Variants in TEX11 observed in about 807,000 individuals in gnomAD.
TEX11 encodes testis-expressed protein 11.
TEX11 carries 7 observed loss-of-function variants against 84.4 expected under a neutral mutation model. The ratio of observed to expected loss-of-function variants is 0.08; its 90% confidence interval spans 0.05 to 0.16. The LOEUF (loss-of-function observed/expected upper bound fraction) is 0.16, where lower values mean the gene tolerates loss of function less well. Ranked by LOEUF, TEX11 falls within the 10% of genes least tolerant of loss-of-function variation. The pLI is 1.00. For synonymous variants in TEX11, 264 were observed against 222.8 expected, an observed-to-expected ratio of 1.18 and a Z score of -1.64; for missense variants, 551 against 660.5, an observed-to-expected ratio of 0.83 and a Z score of 1.82.
chrX:70,588,676 A>G (rs1428076453), intron 25 of TEX11, among the ~76,000 whole-genome samples: 1 of 112,151 alleles, frequency 8.9e-6, no homozygotes, highest in Non-Finnish European at 1.9e-5. Context: ...AATGGAAGGG[A>G]ATTTTGACAC....
chrX:70,789,129 G>C (rs1461457134), intron 9 of TEX11, among the ~76,000 whole-genome samples: 1 of 102,973 alleles, frequency 9.7e-6, no homozygotes, highest in Non-Finnish European at 2.0e-5. Flanking sequence ...GAGCACAGGA[G>C]TACGAGACCA....
intron 28 of TEX11, 79 bp from the exon 29 acceptor site, chrX:70,530,078 C>T (rs2087866170): frequency 1.1e-6 from 1 of 884,295 alleles, no homozygotes; most frequent in South Asian, 2.3e-5. Flanking sequence ...TGCTATGTCC[C>T]TTTATTACTA....
chrX:70,884,266 AG>A (rs1462139071), intron 2 of TEX11, among the ~76,000 whole-genome samples: 2 of 112,279 alleles, frequency 1.8e-5, no homozygotes, highest in East Asian at 5.6e-4. Context: ...GTGATAAAAT[AG>A]AAAGTAGTAA....
chrX:70,655,256 CTT>C (rs1266298539), intron 16 of TEX11, among the ~76,000 whole-genome samples: 10 of 110,508 alleles, frequency 9.0e-5, no homozygotes, highest in Non-Finnish European at 1.9e-4. Flanking sequence ...AATGAACAAA[CTT>C]AATCTAAATT....
chrX:70,806,690 T>G lies in TEX11; in HGVS notation c.692+15A>C. On this transcript the variant is annotated intron_variant, in intron 9 of 29. Transcript: ENST00000374333. ...AATATTCCCGAGTTTACATTCAGTT[T>G]TTTGTTTATGTTACCTAAGCCAGAA... 1.8e-6 allele frequency: 2 copies of G among 1,093,443 alleles called. No homozygotes were observed. The highest frequency in any genetic ancestry group is 2.5e-6 in the Non-Finnish European group (2 of 797,923). The allele number at this position is 1,093,443 out of a possible 1,213,427, so 90.1% of individuals were successfully genotyped here.
At chrX:70,709,338 G>A (rs2090405549) in intron 13 of TEX11, among the ~76,000 whole-genome samples, 1 of 110,820 alleles carries the variant, frequency 9.0e-6, no homozygotes, top group South Asian at 3.8e-4. Flanking sequence ...TAACCTTTTA[G>A]ATCTATCCCA....
At chrX:70,583,654 C>T (rs925981682) in intron 25 of TEX11, among the ~76,000 whole-genome samples, 1 of 111,569 alleles carries the variant, frequency 9.0e-6, no homozygotes, top group African/African-American at 3.3e-5. Context: ...ATTGAAAAGT[C>T]ATCAGAAAAA....
chrX:70,749,034 C>T (rs12559693), intron 9 of TEX11, among the ~76,000 whole-genome samples: 8,031 of 94,385 alleles, frequency 0.085, 912 homozygotes, highest in African/African-American at 0.24. Context: ...TTCACGATAT[C>T]GATTCTTCCT....
the TEX11 span, among the ~76,000 whole-genome samples, chrX:70,523,115 T>C: frequency 9.0e-6 from 1 of 110,976 alleles, no homozygotes; most frequent in Admixed American, 9.7e-5. Context: ...TATAAGCACA[T>C]GTAAAAAAAA....
chrX:70,612,088 T>C (rs1441736631), intron 20 of TEX11, among the ~76,000 whole-genome samples: 1 of 109,906 alleles, frequency 9.1e-6, no homozygotes, highest in Admixed American at 9.8e-5. Context: ...TAGTGAGCCA[T>C]GATCATGCCA....
At chrX:70,592,303 C>T (rs760343275) in intron 24 of TEX11, among the ~76,000 whole-genome samples, 1 of 111,329 alleles carries the variant, frequency 9.0e-6, no homozygotes, top group African/African-American at 3.3e-5. Context: ...ACTCACCATC[C>T]GCCAGCTCAG....
At chrX:70,638,930 C>G (rs1005337952) in intron 17 of TEX11, among the ~76,000 whole-genome samples, 2 of 109,744 alleles carry the variant, frequency 1.8e-5, no homozygotes, top group Non-Finnish European at 3.8e-5. Flanking sequence ...CGAATAGGAA[C>G]AGCTCCAGTC....
At chrX:70,748,696 G>A (rs1297572188) in intron 9 of TEX11, among the ~76,000 whole-genome samples, 1 of 100,568 alleles carries the variant, frequency 9.9e-6, no homozygotes, top group Non-Finnish European at 2.0e-5. Flanking sequence ...CCCATTGCTT[G>A]TTTTTCTCAG....
chrX:70,766,526 A>G (rs754244455), intron 9 of TEX11, among the ~76,000 whole-genome samples: 1 of 111,713 alleles, frequency 9.0e-6, no homozygotes, highest in Non-Finnish European at 1.9e-5. Context: ...TGGAAGAACC[A>G]ATACTGTTAA....
intron 20 of TEX11, among the ~76,000 whole-genome samples, chrX:70,617,219 G>A (rs2089327900): frequency 9.2e-6 from 1 of 109,171 alleles, no homozygotes; most frequent in African/African-American, 3.3e-5. Flanking sequence ...GGAATTTGTT[G>A]CCAGTAGATT....
intron 9 of TEX11, among the ~76,000 whole-genome samples, chrX:70,797,650 C>T (rs1301597418): frequency 9.3e-6 from 1 of 107,040 alleles, no homozygotes; most frequent in East Asian, 2.9e-4. Context: ...AAATACAGCA[C>T]GATCAACTAG....
intron 20 of TEX11, among the ~76,000 whole-genome samples, chrX:70,614,205 C>G (rs893592167): frequency 2.7e-5 from 3 of 111,413 alleles, no homozygotes; most frequent in African/African-American, 9.8e-5. Flanking sequence ...TAGGTACCAG[C>G]TCAGCCACAG....
chrX:70,596,608 C>T, intron 24 of TEX11, among the ~76,000 whole-genome samples: 1 of 108,759 alleles, frequency 9.2e-6, no homozygotes, highest in Non-Finnish European at 1.9e-5. Flanking sequence ...ATACAACATA[C>T]CAAAATGTAT....
intron 17 of TEX11, among the ~76,000 whole-genome samples, chrX:70,634,712 CAA>C (rs200844454): frequency 2.7e-4 from 18 of 66,053 alleles, no homozygotes; most frequent in Admixed American, 1.3e-3. Flanking sequence ...TAGTCATGTG[CAA>C]AAAAAAAAAA....
Sources: gnomAD v4.1 joint callset for allele counts (sites outside exome capture counted in the v4.1 genomes callset) on GRCh38, gnomAD v4.1.1 for gene constraint, MANE v1.5 for transcripts, NCBI Gene and HGNC (gene_info 2026-07-23, HGNC 2026-07-21) for gene names.